SLC28A1: variants seen among roughly 807,000 people sequenced by gnomAD.
The protein encoded by SLC28A1 is solute carrier family 28 member 1.
A neutral mutation model predicts 74.8 loss-of-function variants in SLC28A1; 64 were observed. The ratio of observed to expected loss-of-function variants is 0.86; its 90% CI spans 0.70 to 1.05. The LOEUF is 1.05. Among genes scored for constraint, SLC28A1 ranks in the 50% least tolerant of loss-of-function variants. The pLI is 0.00. For synonymous variants in SLC28A1, 359 were observed against 335.0 expected (o/e 1.07, Z -0.78); for missense variants, 828 against 822.8 (o/e 1.01, Z -0.08).
At chr15:84,947,743 T>C (rs2079281807), downstream of SLC28A1, among the ~76,000 whole-genome samples, 1 of 152,148 alleles carries the variant, frequency 6.6e-6, no homozygotes, top group Non-Finnish European at 1.5e-5. Context: ...ATCCCATTCA[T>C]GTGGGCTTTA....
At chr15:84,888,307 A>G (rs1452616768) in intron 3 of SLC28A1, among the ~76,000 whole-genome samples, 1 of 152,042 alleles carries the variant, frequency 6.6e-6, no homozygotes, top group African/African-American at 2.4e-5. Context: ...GATACCCTGC[A>G]CGCTCCCAGG....
In SLC28A1 at chr15:84,885,455, G is replaced by T. The variant is rs1964484226; in HGVS notation, c.-133+704G>T. On this transcript the variant is annotated intron_variant, in intron 1 of 18. Coordinates refer to ENST00000394573, the MANE Select transcript of SLC28A1 (RefSeq NM_004213.5). ...GAAAAAAAAAGTGGAGAAAAGGCCA[G>T]GCGCGGTGGCTCATGCCTGTAATCC... Among the ~76,000 whole-genome samples, 3 of 151,900 alleles carry T rather than the reference G, an allele frequency of 2.0e-5. 1 individual carries two copies. In the South Asian group the frequency reaches 6.2e-4, roughly 32 times the overall value.
the SLC28A1 span, among the ~76,000 whole-genome samples, chr15:84,969,567 A>G: frequency 6.6e-6 from 1 of 152,174 alleles, no homozygotes; most frequent in Non-Finnish European, 1.5e-5. Context: ...CTGGATCCCA[A>G]GAGCACACAT....
chr15:84,910,650 C>T (rs1968047123), intron 9 of SLC28A1, among the ~76,000 whole-genome samples: 1 of 152,202 alleles, frequency 6.6e-6, no homozygotes, highest in Admixed American at 6.5e-5. Context: ...ATCGCTTGAA[C>T]CCAGGAGGCA....
chr15:84,973,663 G>A, the SLC28A1 span, among the ~76,000 whole-genome samples: 1 of 152,150 alleles, frequency 6.6e-6, no homozygotes, highest in East Asian at 1.9e-4. Flanking sequence ...CACACTCAGA[G>A]CTTCCTGTAC....
intron 6 of SLC28A1, among the ~76,000 whole-genome samples, chr15:84,900,837 GGGGAAGGGGAAA>G (rs1386302991): frequency 6.6e-6 from 1 of 151,334 alleles, no homozygotes; most frequent in African/African-American, 2.4e-5. Context: ...AGAAAGGGAA[GGGGAAGGGGAAA>G]GGGAAGGGGA....
rs1971727495 is a variant in SLC28A1, at chr15:84,935,107, G to C, written c.1296G>C (p.Leu432=). Residue 432 remains leucine, a synonymous_variant, in exon 14 of 19, where the codon CTG becomes CTC. Coordinates refer to ENST00000394573, the MANE Select transcript of SLC28A1 (RefSeq NM_004213.5). The part of the protein sequence containing the change: ...VKVVANIAAN[L]IAFLAVLDFI... Reference sequence around the variant, plus strand: ...TGGTCGCCAACATCGCTGCCAACCTGATTGCGTTCCTGGCTGTGCTGGACT... The same window carrying C: ...TGGTCGCCAACATCGCTGCCAACCTCATTGCGTTCCTGGCTGTGCTGGACT... The C allele has an allele frequency of 6.2e-7, 1 of 1,614,050 alleles. No homozygotes were observed. The highest frequency in any genetic ancestry group is 1.7e-5 in the Admixed American group (1 of 60,006).
chr15:84,924,452 T>C (rs1010936603), intron 12 of SLC28A1, among the ~76,000 whole-genome samples: 1 of 152,070 alleles, frequency 6.6e-6, no homozygotes, highest in South Asian at 2.1e-4. Flanking sequence ...ACTCCAAAAT[T>C]TGTGCTCATT....
the SLC28A1 span, among the ~76,000 whole-genome samples, chr15:84,956,483 C>CTTTCTTTCTTTCTTTCTTTCTTTCTTTA: frequency 7.1e-6 from 1 of 139,980 alleles, no homozygotes; most frequent in African/African-American, 2.8e-5. Flanking sequence ...TTCTTTCTTT[C>CTTTCTTTCTTTCTTTCTTTCTTTCTTTA]TTTCTTTGTT....
At chr15:84,973,107 C>T in the SLC28A1 span, among the ~76,000 whole-genome samples, 2 of 152,148 alleles carry the variant, frequency 1.3e-5, no homozygotes, top group African/African-American at 4.8e-5. Flanking sequence ...CTCATTTTTC[C>T]ACTTAGCCCC....
At chr15:84,895,405 C>T in intron 6 of SLC28A1, 1 of 1,613,978 alleles carries the variant, frequency 6.2e-7, no homozygotes, top group Non-Finnish European at 8.5e-7. Context: ...GCAAGGAGGG[C>T]CCGAATCAGT....
the SLC28A1 span, among the ~76,000 whole-genome samples, chr15:84,973,505 G>A: frequency 7.2e-5 from 11 of 152,270 alleles, no homozygotes; most frequent in African/African-American, 2.2e-4. Flanking sequence ...CCACTCATGA[G>A]TTGAAGAAAA....
chr15:84,944,631 G>A lies in SLC28A1; in HGVS notation c.1729G>A (p.Ala577Thr). 1 of 1,614,090 alleles carries A rather than the reference G, an allele frequency of 6.2e-7. No homozygotes were observed. Among genetic ancestry groups the A allele is most frequent in the Non-Finnish European group, 8.5e-7 (1 of 1,179,922 alleles). The change falls in exon 17 of 19, where the codon GCC (alanine) becomes ACC (threonine). Residue 577 changes from alanine (A) to threonine (T), a missense_variant. By Grantham distance (58) the Ala-to-Thr change is moderately conservative (BLOSUM62 0). This residue lies in a region of SLC28A1 where 767 missense variants were observed against 753.5 expected (regional missense o/e 1.02). Transcript: ENST00000394573. ...QIVLRALFTG[A>T]CVSLVNACMA... ...AGTGCTCCGGGCGCTCTTCACGGGA[G>A]CCTGTGTGTCCCTGGTGAACGCCTG...
At chr15:84,895,997 G>GT in intron 6 of SLC28A1, 1 of 934,014 alleles carries the variant, frequency 1.1e-6, no homozygotes, top group Non-Finnish European at 1.3e-6. Flanking sequence ...TACATTTACT[G>GT]TTACATTTGA....
chr15:84,896,083 G>C (rs533712560), intron 6 of SLC28A1: 1 of 438,678 alleles, frequency 2.3e-6, no homozygotes, highest in Non-Finnish European at 3.0e-6. Flanking sequence ...ATGGTTTTCC[G>C]CTTGAGGGAC....
chr15:84,897,165 A>G (rs1966091565), intron 6 of SLC28A1, among the ~76,000 whole-genome samples: 1 of 151,462 alleles, frequency 6.6e-6, no homozygotes, highest in African/African-American at 2.4e-5. Flanking sequence ...TCATGAGGTC[A>G]GGAGATGGAG....
chr15:84,955,161 A>G, the SLC28A1 span, among the ~76,000 whole-genome samples: 1 of 152,154 alleles, frequency 6.6e-6, no homozygotes, highest in East Asian at 1.9e-4. Context: ...CGAGCGAAAA[A>G]GCCTCTGGGT....
Position 84,887,800 on chromosome 15 carries a change from C to G in SLC28A1, c.40C>G (p.Leu14Val), listed in dbSNP as rs755863167. ...DPSRRRESISLTPVAKGLENM... is the reference protein window; with the variant it reads ...DPSRRRESISVTPVAKGLENM... ...CTCGAGACGAAGAGAGTCCATCTCT[C>G]TCACACCTGTGGCCAAGGGTCTGGA... Residue 14 changes from leucine to valine, a missense_variant, in exon 3 of 19, where the codon CTC becomes GTC. By Grantham distance (32) the Leu-to-Val change is conservative. This residue lies in a region of SLC28A1 where 767 missense variants were observed against 753.5 expected (regional missense o/e 1.02). Transcript: ENST00000394573. 1.3e-5 allele frequency: 21 copies of G among 1,614,072 alleles called. No individual in the cohort carries two copies. The highest frequency in any genetic ancestry group is 4.2e-6 in the Non-Finnish European group (5 of 1,180,008).
chr15:84,927,789 G>T (rs973754650), intron 12 of SLC28A1, among the ~76,000 whole-genome samples: 1 of 152,118 alleles, frequency 6.6e-6, no homozygotes, highest in Non-Finnish European at 1.5e-5. Context: ...TTCTTCTGAG[G>T]CTACTTCTGA....
Sources: gnomAD v4.1 joint callset for allele counts (sites outside exome capture counted in the v4.1 genomes callset) on GRCh38, gnomAD v4.1.1 for gene constraint, gnomAD v4.1.1 regional missense constraint, MANE v1.5 for transcripts, NCBI Gene and HGNC (gene_info 2026-07-23, HGNC 2026-07-21) for gene names.